The following ITCH variants were observed in gnomAD, a reference collection of about 807,000 sequenced individuals.
ITCH encodes the protein E3 ubiquitin-protein ligase Itchy homolog.
Under a neutral mutation model 126.8 loss-of-function variants are expected in ITCH, and 28 were observed. That is an observed-to-expected ratio of 0.22 (90% confidence interval 0.16 to 0.30). The LOEUF is 0.30. ITCH is among the 10% of genes least tolerant of loss of function. The probability of loss-of-function intolerance (pLI) is 1.00; values close to 1 mark genes in which losing one functional copy is unlikely to be tolerated. For missense variants in ITCH, 631 were observed against 1,032.4 expected (o/e 0.61, Z 5.33); for synonymous variants, 342 against 340.0 (o/e 1.01, Z -0.06).
intron 12 of ITCH, among the ~76,000 whole-genome samples, chr20:34,455,839 A>G (rs956402822): frequency 6.6e-6 from 1 of 151,860 alleles, no homozygotes; most frequent in Non-Finnish European, 1.5e-5. Context: ...AATTTTGTAG[A>G]CTGGGAACAC....
rs1376532176 is a variant in ITCH at position 34,433,666 on chromosome 20, A to AC, written c.522-4808_522-4807insC. ...AGTGAAACAATGTCTCAAAAAAAAA[A>AC]AAAAAACCCAAAAAGACCAATGAAA... On this transcript the variant is annotated intron_variant, in intron 7 of 24. Transcript: ENST00000374864. 4.6e-5 allele frequency among the ~76,000 whole-genome samples: 7 copies of AC among 151,902 alleles called. No individual in the cohort carries two copies. The East Asian group carries it at 9.6e-4, about 21-fold the overall frequency.
intron 16 of ITCH, chr20:34,476,483 G>A (rs1402208393): frequency 8.3e-7 from 1 of 1,211,206 alleles, no homozygotes; most frequent in Non-Finnish European, 1.0e-6. Context: ...ATCGCCCGCG[G>A]TCGGGAACTC....
At chr20:34,468,619 C>T (rs1449770319) in intron 14 of ITCH, among the ~76,000 whole-genome samples, 2 of 151,604 alleles carry the variant, frequency 1.3e-5, no homozygotes, top group Admixed American at 6.6e-5. Context: ...GGCTAAACCC[C>T]GTCTCTACTA....
intron 3 of ITCH, among the ~76,000 whole-genome samples, chr20:34,397,728 T>A (rs1184879856): frequency 6.6e-6 from 1 of 152,098 alleles, no homozygotes; most frequent in Non-Finnish European, 1.5e-5. Flanking sequence ...AGATTCCAGT[T>A]TTTTTTCCCC....
chr20:34,424,943 G>C (rs1265196118), intron 7 of ITCH, among the ~76,000 whole-genome samples: 1 of 152,172 alleles, frequency 6.6e-6, no homozygotes, highest in Non-Finnish European at 1.5e-5. Context: ...GCTGTTTGCT[G>C]TTAGCCCAGG....
chr20:34,389,496 AG>A (rs2038409128), intron 2 of ITCH, among the ~76,000 whole-genome samples: 1 of 152,158 alleles, frequency 6.6e-6, no homozygotes, highest in Non-Finnish European at 1.5e-5. Flanking sequence ...TTCCTGGGAA[AG>A]GAACTGCAGA....
At chr20:34,396,933 G>A (rs993481565) in intron 3 of ITCH, among the ~76,000 whole-genome samples, 2 of 151,900 alleles carry the variant, frequency 1.3e-5, no homozygotes, top group African/African-American at 4.8e-5. Flanking sequence ...AAAACCTTAG[G>A]TACTTCTCTT....
At chr20:34,407,065 TG>T (rs1290997073) in intron 3 of ITCH, among the ~76,000 whole-genome samples, 1 of 152,110 alleles carries the variant, frequency 6.6e-6, no homozygotes, top group Non-Finnish European at 1.5e-5. Context: ...GATTTCTACT[TG>T]TTATACCCTG....
chr20:34,456,184 GTATA>G (rs1326551793), intron 12 of ITCH, among the ~76,000 whole-genome samples: 1,145 of 46,988 alleles, frequency 0.024, 31 homozygotes, highest in East Asian at 0.034. Context: ...GTGTGTGTGT[GTATA>G]TATATATATA....
intron 14 of ITCH, among the ~76,000 whole-genome samples, chr20:34,465,464 A>T (rs1157036550): frequency 1.3e-5 from 2 of 152,174 alleles, no homozygotes; most frequent in Admixed American, 1.3e-4. Context: ...TACAGAATCA[A>T]TAAAATCCAT....
At chr20:34,413,665 CAG>C (rs1350726584) in intron 5 of ITCH, 75 bp from the exon 6 acceptor site, 5 of 1,308,084 alleles carry the variant, frequency 3.8e-6, no homozygotes, top group Non-Finnish European at 5.3e-6. Flanking sequence ...ACATTTTTAA[CAG>C]TTAATTTTTA....
At chr20:34,382,074 C>T (rs994624747) in intron 2 of ITCH, among the ~76,000 whole-genome samples, 9 of 151,984 alleles carry the variant, frequency 5.9e-5, no homozygotes, top group African/African-American at 2.2e-4. Context: ...TATTTCTATT[C>T]TGTTTCTTTT....
chr20:34,435,176 T>TG (rs1417087532), intron 7 of ITCH, among the ~76,000 whole-genome samples: 1 of 149,672 alleles, frequency 6.7e-6, no homozygotes, highest in Non-Finnish European at 1.5e-5. Context: ...GTTTTTGGGT[T>TG]TTTTTTTTTT....
intron 3 of ITCH, among the ~76,000 whole-genome samples, chr20:34,404,258 G>C (rs915026291): frequency 6.6e-5 from 10 of 151,952 alleles, no homozygotes; most frequent in Non-Finnish European, 1.3e-4. Flanking sequence ...TTTTCAGAAA[G>C]TAGTACATTG....
At chr20:34,430,819 G>A (rs1982190875) in intron 7 of ITCH, among the ~76,000 whole-genome samples, 1 of 152,136 alleles carries the variant, frequency 6.6e-6, no homozygotes, top group Non-Finnish European at 1.5e-5. Flanking sequence ...GAACTCTGTA[G>A]GAAAAAATAT....
At chr20:34,485,255 C>A (rs1160178315) in intron 20 of ITCH, among the ~76,000 whole-genome samples, 2 of 152,104 alleles carry the variant, frequency 1.3e-5, no homozygotes, top group African/African-American at 4.8e-5. Context: ...CTGCTATAAA[C>A]ATTCTTGTGA....
chr20:34,393,954 A>T, intron 3 of ITCH, 73 bp downstream of exon 3: 1 of 1,395,134 alleles, frequency 7.2e-7, no homozygotes, highest in Non-Finnish European at 1.0e-6. Context: ...TGAGAGGGCC[A>T]GGCATGGTGG....
intron 23 of ITCH, among the ~76,000 whole-genome samples, chr20:34,503,109 A>G (rs886377219): frequency 6.6e-6 from 1 of 152,220 alleles, no homozygotes; most frequent in African/African-American, 2.4e-5. Flanking sequence ...GTTTTTTTAT[A>G]ACGTTTCCTA....
rs759794115 is a variant in ITCH, at chr20:34,445,383, G to A, written c.1062G>A (p.Arg354=). 5.0e-6 allele frequency: 8 copies of A among 1,613,998 alleles called. No individual in the cohort carries two copies. The highest frequency in any genetic ancestry group is 1.7e-4 in the Middle Eastern group (1 of 6,060). The change falls in exon 11 of 25, where the codon CGG becomes CGA. Residue 354 remains arginine, a synonymous_variant. Transcript: ENST00000374864. ...TWQRPTLESV[R]NYEQWQLQRS... is the part of the protein sequence containing the mutation. ...AGAGGCCAACACTGGAATCCGTCCG[G>A]AACTATGAACAATGGCAGCTACAGC...
Sources: gnomAD v4.1 joint callset for allele counts (sites outside exome capture counted in the v4.1 genomes callset) on GRCh38, gnomAD v4.1.1 for gene constraint, MANE v1.5 for transcripts, NCBI Gene and HGNC (gene_info 2026-07-23, HGNC 2026-07-21) for gene names.